Variants in CNTN5 observed in about 807,000 individuals in gnomAD.
The protein encoded by CNTN5 is contactin 5.
CNTN5 carries 77 observed loss-of-function variants against 129.1 expected under a neutral mutation model. The ratio of observed to expected loss-of-function variants is 0.60; its 90% CI spans 0.50 to 0.72. The LOEUF (loss-of-function observed/expected upper bound fraction) is 0.72, where lower values mean the gene tolerates loss of function less well. CNTN5 is among the 30% of genes least tolerant of loss of function. The pLI is 0.00. For missense variants in CNTN5, 1,478 were observed against 1,328.8 expected, an observed-to-expected ratio of 1.11 and a Z score of -1.75; for synonymous variants, 509 against 465.6, an observed-to-expected ratio of 1.09 and a Z score of -1.20.
At chr11:99,341,669 T>C (rs1866520115) in intron 2 of CNTN5, among the ~76,000 whole-genome samples, 1 of 152,140 alleles carries the variant, frequency 6.6e-6, no homozygotes, top group African/African-American at 2.4e-5. Context: ...GTATGTTATC[T>C]ACAAACAACA....
chr11:100,084,230 G>GC (rs1234056028), intron 13 of CNTN5, among the ~76,000 whole-genome samples: 1 of 152,104 alleles, frequency 6.6e-6, no homozygotes, highest in South Asian at 2.1e-4. Context: ...TTTTCCAAAA[G>GC]CCCCCCAGAC....
chr11:99,614,463 A>C (rs1950695616), intron 3 of CNTN5, among the ~76,000 whole-genome samples: 1 of 152,190 alleles, frequency 6.6e-6, no homozygotes, highest in African/African-American at 2.4e-5. Flanking sequence ...ATCTGTTAGC[A>C]AGGCTTGTCT....
chr11:99,316,792 T>G (rs1865359601), intron 1 of CNTN5, among the ~76,000 whole-genome samples: 1 of 151,836 alleles, frequency 6.6e-6, no homozygotes, highest in African/African-American at 2.4e-5. Flanking sequence ...CTCTCTGCTT[T>G]AATTAAGAGC....
intron 2 of CNTN5, among the ~76,000 whole-genome samples, chr11:99,419,118 C>T (rs1486468013): frequency 6.6e-6 from 1 of 152,124 alleles, no homozygotes; most frequent in Non-Finnish European, 1.5e-5. Flanking sequence ...TGACCACTTC[C>T]CCATATTCTA....
chr11:100,178,873 G>A (rs562551425), intron 13 of CNTN5, among the ~76,000 whole-genome samples: 1 of 152,254 alleles, frequency 6.6e-6, no homozygotes, highest in Admixed American at 6.5e-5. Flanking sequence ...ACCCCCAATG[G>A]GTGGCATCCC....
intron 2 of CNTN5, among the ~76,000 whole-genome samples, chr11:99,327,361 A>T (rs554347115): frequency 1.1e-4 from 17 of 152,294 alleles, no homozygotes; most frequent in African/African-American, 4.1e-4. Flanking sequence ...TCAATTACCA[A>T]CCAAATTGTA....
At chr11:99,181,479 A>G (rs760629276) in intron 1 of CNTN5, among the ~76,000 whole-genome samples, 23 of 152,168 alleles carry the variant, frequency 1.5e-4, no homozygotes, top group Non-Finnish European at 2.8e-4. Context: ...ATGATTCTCC[A>G]AGGTAGCCCA....
At chr11:100,157,537 A>G (rs182610876) in intron 13 of CNTN5, among the ~76,000 whole-genome samples, 19 of 151,842 alleles carry the variant, frequency 1.3e-4, no homozygotes, top group Middle Eastern at 3.4e-3. Context: ...AAGTCTCAAC[A>G]GTGTTTTAGT....
intron 3 of CNTN5, among the ~76,000 whole-genome samples, chr11:99,647,034 A>G (rs1227966761): frequency 2.1e-5 from 3 of 144,274 alleles, no homozygotes; most frequent in Non-Finnish European, 4.5e-5. Context: ...ATTAGTTTAC[A>G]TTAACCCCAT....
intron 13 of CNTN5, among the ~76,000 whole-genome samples, chr11:100,078,857 G>A (rs1457482222): frequency 6.6e-6 from 1 of 152,022 alleles, no homozygotes; most frequent in Non-Finnish European, 1.5e-5. Flanking sequence ...TCTGTATCAA[G>A]CCATTTTCCT....
chr11:99,984,735 A>G (rs2137378561), intron 8 of CNTN5, among the ~76,000 whole-genome samples: 1 of 152,360 alleles, frequency 6.6e-6, no homozygotes, highest in East Asian at 1.9e-4. Flanking sequence ...TATTTGGAAA[A>G]TAGCAAGCAC....
intron 1 of CNTN5, among the ~76,000 whole-genome samples, chr11:99,060,455 C>T (rs981547068): frequency 2.0e-5 from 3 of 152,048 alleles, no homozygotes; most frequent in African/African-American, 7.2e-5. Context: ...AACAATTACA[C>T]TAAAGCTATC....
chr11:99,889,366 C>A (rs7102176), intron 6 of CNTN5, among the ~76,000 whole-genome samples: 144,408 of 144,914 alleles, frequency 1, 71,951 homozygotes, highest in African/African-American at 1. Context: ...GTATATATAT[C>A]TCTCCATCAT....
intron 1 of CNTN5, among the ~76,000 whole-genome samples, chr11:99,114,331 C>A (rs1251490788): frequency 6.6e-6 from 1 of 152,030 alleles, no homozygotes; most frequent in Non-Finnish European, 1.5e-5. Flanking sequence ...GAGAAACTCT[C>A]GTAGTAAGAA....
At chr11:99,226,661 T>A (rs1363137294) in intron 1 of CNTN5, among the ~76,000 whole-genome samples, 1 of 151,834 alleles carries the variant, frequency 6.6e-6, no homozygotes, top group East Asian at 2.0e-4. Flanking sequence ...AAATCTACCT[T>A]GTGACTGGTA....
chr11:99,324,169 C>T (rs983355565), intron 1 of CNTN5, among the ~76,000 whole-genome samples: 2 of 152,170 alleles, frequency 1.3e-5, no homozygotes, highest in Admixed American at 6.5e-5. Context: ...GGTCAATACC[C>T]TTTGGTAGTG....
chr11:100,287,791 C>T (rs970113962), intron 18 of CNTN5, among the ~76,000 whole-genome samples: 1 of 152,082 alleles, frequency 6.6e-6, no homozygotes, highest in African/African-American at 2.4e-5. Context: ...CTAAATGCTC[C>T]AATTTAAAGA....
At chr11:99,290,983 T>C (rs1864149088) in intron 1 of CNTN5, among the ~76,000 whole-genome samples, 1 of 151,902 alleles carries the variant, frequency 6.6e-6, no homozygotes, top group South Asian at 2.1e-4. Flanking sequence ...TAGAATACAT[T>C]AATAGGCCCC....
chr11:99,552,153 CT>C (rs1351145810), intron 2 of CNTN5, among the ~76,000 whole-genome samples: 3 of 151,646 alleles, frequency 2.0e-5, no homozygotes, highest in Non-Finnish European at 4.4e-5. Flanking sequence ...AGTGATCTGC[CT>C]GCCTTGCCTC....
Sources: gnomAD v4.1 joint callset for allele counts (sites outside exome capture counted in the v4.1 genomes callset) on GRCh38, gnomAD v4.1.1 for gene constraint, MANE v1.5 for transcripts, NCBI Gene and HGNC (gene_info 2026-07-23, HGNC 2026-07-21) for gene names.